The following FOXN3 variants were observed in gnomAD, a reference collection of about 807,000 sequenced individuals.
The protein encoded by FOXN3 is forkhead box N3.
FOXN3 carries 7 observed loss-of-function variants against 38.4 expected under a neutral mutation model. The observed-to-expected ratio is 0.18, with a 90% CI of 0.10 to 0.34. FOXN3 has a LOEUF of 0.34. Ranked by LOEUF, FOXN3 falls within the 10% of genes least tolerant of loss-of-function variation. The probability of loss-of-function intolerance (pLI) is 1.00; values close to 1 mark genes in which losing one functional copy is unlikely to be tolerated. For missense variants in FOXN3, 456 were observed against 613.4 expected, an observed-to-expected ratio of 0.74 and a Z score of 2.71; for synonymous variants, 230 against 242.2, an observed-to-expected ratio of 0.95 and a Z score of 0.47.
At chr14:89,370,908 T>C (rs1890300338) in intron 2 of FOXN3, among the ~76,000 whole-genome samples, 1 of 152,154 alleles carries the variant, frequency 6.6e-6, no homozygotes, top group Non-Finnish European at 1.5e-5. Context: ...TATCAACCTT[T>C]TAAGGCAACA....
chr14:89,456,020 C>T (rs925245933), intron 1 of FOXN3, among the ~76,000 whole-genome samples: 2 of 151,876 alleles, frequency 1.3e-5, no homozygotes, highest in African/African-American at 4.8e-5. Flanking sequence ...ATAGTGAAAC[C>T]CGTGTCTACT....
intron 2 of FOXN3, among the ~76,000 whole-genome samples, chr14:89,373,819 A>AC (rs1890392960): frequency 6.6e-6 from 1 of 152,216 alleles, no homozygotes; most frequent in African/African-American, 2.4e-5. Context: ...TAAAAGTTTT[A>AC]CTATTCAAAC....
chr14:89,371,132 T>C (rs1890307620), intron 2 of FOXN3, among the ~76,000 whole-genome samples: 1 of 152,106 alleles, frequency 6.6e-6, no homozygotes. Context: ...CCTGAGTCAA[T>C]CTGAACAGTA....
At position 89,484,317 on chromosome 14, in the gene FOXN3, T is replaced by C. The variant is rs1893400343; in HGVS notation, c.-14-71827A>G. On this transcript the variant is annotated intron_variant, in intron 1 of 6. Coordinates refer to the FOXN3 transcript ENST00000345097. The surrounding 1 kb of genome is among the most constrained non-coding windows in gnomAD (Gnocchi z 4.0). Reference sequence around the variant, plus strand: ...GGTAAGCTTTTCCCATAAAAGACCATAGGGTAAATATTTCATGGTTTCCAT... The same window carrying C: ...GGTAAGCTTTTCCCATAAAAGACCACAGGGTAAATATTTCATGGTTTCCAT... Among the ~76,000 whole-genome samples the C allele has an allele frequency of 6.6e-6, 1 of 152,186 alleles. No individual in the cohort carries two copies. Among genetic ancestry groups the C allele is most frequent in the Admixed American group, 6.5e-5 (1 of 15,286 alleles).
chr14:89,461,465 G>C (rs1892847547), intron 1 of FOXN3, among the ~76,000 whole-genome samples: 1 of 151,914 alleles, frequency 6.6e-6, no homozygotes, highest in African/African-American at 2.4e-5. Context: ...ATCATATCAG[G>C]GTATTTCCCA....
At chr14:89,499,631 G>T (rs1229389489) in intron 1 of FOXN3, among the ~76,000 whole-genome samples, 2 of 152,084 alleles carry the variant, frequency 1.3e-5, no homozygotes, top group Admixed American at 6.6e-5. Context: ...ACTCAAAATG[G>T]AAGTAAATTT....
chr14:89,463,347 T>C (rs1180116386), intron 1 of FOXN3, among the ~76,000 whole-genome samples: 1 of 151,890 alleles, frequency 6.6e-6, no homozygotes, highest in Non-Finnish European at 1.5e-5. Flanking sequence ...AGCAGACCCC[T>C]CGTGGTCCAA....
intron 1 of FOXN3, among the ~76,000 whole-genome samples, chr14:89,441,560 G>T (rs1261876445): frequency 6.6e-6 from 1 of 152,128 alleles, no homozygotes; most frequent in African/African-American, 2.4e-5. Flanking sequence ...TAGGGTCTAG[G>T]CTCTGCCCCA....
chr14:89,434,816 T>C (rs888748189), intron 1 of FOXN3, among the ~76,000 whole-genome samples: 5 of 152,204 alleles, frequency 3.3e-5, no homozygotes, highest in African/African-American at 1.2e-4. Flanking sequence ...GCACAGACAT[T>C]TGACAAGAAA....
intron 3 of FOXN3, among the ~76,000 whole-genome samples, chr14:89,331,333 A>C (rs1888242145): frequency 6.6e-6 from 1 of 152,006 alleles, no homozygotes; most frequent in Non-Finnish European, 1.5e-5. Context: ...GGCTTTTTTC[A>C]CTCTGCATAA....
At chr14:89,478,376 G>A (rs1287409) in intron 1 of FOXN3, among the ~76,000 whole-genome samples, 87,904 of 152,018 alleles carry the variant, frequency 0.58, 26,019 homozygotes, top group East Asian at 0.86. Context: ...TGCAAGAATG[G>A]ACTAATACAA....
intron 4 of FOXN3, among the ~76,000 whole-genome samples, chr14:89,187,425 A>G (rs150453831): frequency 1.6e-3 from 245 of 152,308 alleles, no homozygotes; most frequent in African/African-American, 5.7e-3. Flanking sequence ...ATATATCCAC[A>G]CTGGGACACA....
chr14:89,599,084 T>C (rs1896109091), intron 1 of FOXN3, among the ~76,000 whole-genome samples: 2 of 152,222 alleles, frequency 1.3e-5, no homozygotes, highest in African/African-American at 4.8e-5. Flanking sequence ...CAATCTGATA[T>C]TTATTTTCCA....
At chr14:89,275,987 A>G (rs1373348081) in intron 4 of FOXN3, among the ~76,000 whole-genome samples, 3 of 152,204 alleles carry the variant, frequency 2.0e-5, no homozygotes, top group Non-Finnish European at 4.4e-5. Flanking sequence ...TGTCAGAAGT[A>G]AACGGATGGC....
At chr14:89,220,190 C>T (rs1167239850) in intron 4 of FOXN3, among the ~76,000 whole-genome samples, 1 of 152,150 alleles carries the variant, frequency 6.6e-6, no homozygotes, top group Non-Finnish European at 1.5e-5. Context: ...TGCGGCCTCC[C>T]TTGGTTCCAA....
rs976981080 is a variant in FOXN3, at chr14:89,164,275, C to T, written c.852-1306G>A. On this transcript the variant is annotated intron_variant, in intron 5 of 5. Coordinates refer to ENST00000557258, the MANE Select transcript of FOXN3 (RefSeq NM_005197.4). This position sits in a 1 kb window ranked among gnomAD's most constrained non-coding sequence, Gnocchi z 4.3. Reference sequence around the variant, plus strand: ...GTAGCTGAAGGGGACGAAGGGTGGACGCCAGGGAATGTTTTGTGGAAGACA... The same window carrying T: ...GTAGCTGAAGGGGACGAAGGGTGGATGCCAGGGAATGTTTTGTGGAAGACA... Among the ~76,000 whole-genome samples, 11 of 152,094 alleles carry T rather than the reference C, an allele frequency of 7.2e-5. No homozygotes were observed. Among genetic ancestry groups the T allele is most frequent in the African/African-American group, 1.7e-4 (7 of 41,426 alleles).
At chr14:89,303,496 T>TAA (rs35251843) in intron 3 of FOXN3, among the ~76,000 whole-genome samples, 1,622 of 114,910 alleles carry the variant, frequency 0.014, 17 homozygotes, top group African/African-American at 0.028. Flanking sequence ...AAACATCTGC[T>TAA]AAAAAAAAAA....
At chr14:89,265,268 CT>C (rs1440459442) in intron 4 of FOXN3, among the ~76,000 whole-genome samples, 1 of 152,152 alleles carries the variant, frequency 6.6e-6, no homozygotes, top group Non-Finnish European at 1.5e-5. Context: ...ACAGTGATGC[CT>C]TTCAAATGGC....
intron 2 of FOXN3, among the ~76,000 whole-genome samples, chr14:89,388,232 A>G (rs114702162): frequency 0.025 from 3,759 of 152,288 alleles, 179 homozygotes; most frequent in African/African-American, 0.085. Flanking sequence ...TGGGGCCTGG[A>G]AAGTCAGGGA....
Sources: gnomAD v4.1 joint callset for allele counts (sites outside exome capture counted in the v4.1 genomes callset) on GRCh38, gnomAD v4.1.1 for gene constraint, Gnocchi (gnomAD v3.1) non-coding constraint, MANE v1.5 for transcripts, NCBI Gene and HGNC (gene_info 2026-07-23, HGNC 2026-07-21) for gene names.